Variants in PIK3R5 observed in about 807,000 individuals in gnomAD.
The protein encoded by PIK3R5 is phosphoinositide-3-kinase regulatory subunit 5.
A neutral mutation model predicts 94.9 loss-of-function variants in PIK3R5; 32 were observed. The ratio of observed to expected loss-of-function variants is 0.34; its 90% CI spans 0.25 to 0.45. The LOEUF (loss-of-function observed/expected upper bound fraction) is 0.45, where lower values mean the gene tolerates loss of function less well. Ranked by LOEUF, PIK3R5 falls within the 20% of genes least tolerant of loss-of-function variation. The probability of loss-of-function intolerance (pLI) is 1.00; values close to 1 mark genes in which losing one functional copy is unlikely to be tolerated. For missense variants in PIK3R5, 853 were observed against 1,144.6 expected, an observed-to-expected ratio of 0.75 and a Z score of 3.68; for synonymous variants, 443 against 479.4, an observed-to-expected ratio of 0.92 and a Z score of 0.99.
chr17:8,884,096 C>T lies in PIK3R5; in HGVS notation c.2205+611G>A, dbSNP rs560430028. 6.6e-6 allele frequency among the ~76,000 whole-genome samples: 1 copy of T among 152,216 alleles called. No individual in the cohort carries two copies. Among genetic ancestry groups the T allele is most frequent in the Non-Finnish European group, 1.5e-5 (1 of 68,030 alleles). On this transcript the variant is annotated intron_variant, in intron 15 of 18. Coordinates refer to ENST00000447110, the MANE Select transcript of PIK3R5 (RefSeq NM_001142633.3). The surrounding 1 kb of genome is among the most constrained non-coding windows in gnomAD (Gnocchi z 5.8). ...TAGACAAGCTAAAGTGAGGCCTAGG[C>T]TTCCCTGCTCAACCCCTCTTTTCCC...
Position 8,909,248 on chromosome 17 carries a change from G to T in PIK3R5, c.104-74C>A. 1.2e-6 allele frequency: 1 copy of T among 858,018 alleles called. No homozygotes were observed. 53.2% of individuals were successfully genotyped at this position (858,018 alleles called of 1,614,324 possible). On this transcript the variant is annotated intron_variant, in intron 2 of 18. Coordinates refer to ENST00000447110, the MANE Select transcript of PIK3R5 (RefSeq NM_001142633.3). This position sits in a 1 kb window ranked among gnomAD's most constrained non-coding sequence, Gnocchi z 4.3. ...ACACTCAGGCAGGGGCTGTAAAGAA[G>T]GGGCATTTATGCTGGAACATTTTTC...
chr17:8,910,238 G>A (rs181535), intron 2 of PIK3R5, among the ~76,000 whole-genome samples: 14,402 of 152,228 alleles, frequency 0.095, 835 homozygotes, highest in South Asian at 0.22. Context: ...GACCTCTCAC[G>A]TGTACAGGCT....
chr17:8,953,516 A>AAT (rs1293559366), intron 1 of PIK3R5, among the ~76,000 whole-genome samples: 2 of 152,172 alleles, frequency 1.3e-5, no homozygotes, highest in African/African-American at 4.8e-5. Flanking sequence ...CCCACAGGCT[A>AAT]ATGTGTTGAA....
rs771688629 is a variant in PIK3R5 at position 8,884,657 on chromosome 17, A to G, written c.2205+50T>C. The G allele has an allele frequency of 7.0e-7, 1 of 1,421,892 alleles. No homozygotes were observed. Among genetic ancestry groups the G allele is most frequent in the South Asian group, 1.2e-5 (1 of 86,502 alleles). 88.1% of individuals were successfully genotyped at this position (1,421,892 alleles called of 1,614,324 possible). Reference sequence around the variant, plus strand: ...TCTGGGTCCAAGCTCTGGCGGAGGAAGTATCAGCAGCAGATCCTGGAGGGG... The same window carrying G: ...TCTGGGTCCAAGCTCTGGCGGAGGAGGTATCAGCAGCAGATCCTGGAGGGG... On this transcript the variant is annotated intron_variant, in intron 15 of 18. Transcript: ENST00000447110. The surrounding 1 kb of genome is among the most constrained non-coding windows in gnomAD (Gnocchi z 5.8).
At chr17:8,897,726 C>G (rs61759639) in intron 5 of PIK3R5, among the ~76,000 whole-genome samples, 31,919 of 152,108 alleles carry the variant, frequency 0.21, 4,067 homozygotes, top group Non-Finnish European at 0.28. Context: ...AGGTGCAACC[C>G]CCCTCACCTC....
chr17:8,889,356 G>A lies in PIK3R5; in HGVS notation c.812-134C>T, dbSNP rs1263377286. Reference sequence around the variant, plus strand: ...ACAAGGATATGTAGCTGGATAGGCTGAGGCTGAGTTACAGCCAGGGTGCCA... The same window carrying A: ...ACAAGGATATGTAGCTGGATAGGCTAAGGCTGAGTTACAGCCAGGGTGCCA... On this transcript the variant is annotated intron_variant, in intron 8 of 18. Transcript: ENST00000447110. This position sits in a 1 kb window ranked among gnomAD's most constrained non-coding sequence, Gnocchi z 4.1. 1 of 660,454 alleles carries A rather than the reference G, an allele frequency of 1.5e-6. No individual in the cohort carries two copies. The highest frequency in any genetic ancestry group is 1.8e-5 in the African/African-American group (1 of 54,400). The allele number at this position is 660,454 out of a possible 1,614,324, so 40.9% of individuals were successfully genotyped here.
intron 3 of PIK3R5, among the ~76,000 whole-genome samples, chr17:8,907,168 C>G (rs2090413727): frequency 6.6e-6 from 1 of 151,852 alleles, no homozygotes; most frequent in Non-Finnish European, 1.5e-5. Context: ...GGATTACAAG[C>G]ACGTGCCACC....
rs2090851604 is a variant in PIK3R5, at chr17:8,925,211, G to T, written c.-13-13704C>A. 6.6e-6 allele frequency among the ~76,000 whole-genome samples: 1 copy of T among 151,988 alleles called. No homozygotes were observed. Among genetic ancestry groups the T allele is most frequent in the Non-Finnish European group, 1.5e-5 (1 of 68,008 alleles). On this transcript the variant is annotated intron_variant, in intron 1 of 18. Coordinates refer to ENST00000447110, the MANE Select transcript of PIK3R5 (RefSeq NM_001142633.3). The surrounding 1 kb of genome is among the most constrained non-coding windows in gnomAD (Gnocchi z 5.1). ...TAGACAGAAAGTAGATGGATAGATA[G>T]ATAGATAGTAGATGGATAGATAGAT...
At chr17:8,932,854 A>G (rs2091010905) in intron 1 of PIK3R5, among the ~76,000 whole-genome samples, 1 of 152,170 alleles carries the variant, frequency 6.6e-6, no homozygotes, top group Admixed American at 6.5e-5. Flanking sequence ...ATGTTCCCAA[A>G]TTTAATAAAA....
In PIK3R5 at chr17:8,890,973, AC is replaced by A. The variant is rs1273040084; in HGVS notation, c.483-62del. The A allele has an allele frequency of 2.0e-6, 3 of 1,521,834 alleles. No homozygotes were observed. The highest frequency in any genetic ancestry group is 2.7e-6 in the Non-Finnish European group (3 of 1,124,010). 94.3% of individuals were successfully genotyped at this position (1,521,834 alleles called of 1,614,324 possible). ...GTGCGCAGCATGCCACAGTGCAGCC[AC>A]CCCCCTCGTGCCTGCTGGTGCTCAG... On this transcript the variant is annotated intron_variant, in intron 6 of 18. Coordinates refer to ENST00000447110, the MANE Select transcript of PIK3R5 (RefSeq NM_001142633.3). The surrounding 1 kb of genome is among the most constrained non-coding windows in gnomAD (Gnocchi z 6.1).
At position 8,931,065 on chromosome 17, in the gene PIK3R5, A is replaced by G. The variant is rs193287846; in HGVS notation, c.-13-19558T>C. On this transcript the variant is annotated intron_variant, in intron 1 of 18. Coordinates refer to ENST00000447110, the MANE Select transcript of PIK3R5 (RefSeq NM_001142633.3). ...ACAAAGGATCTCTCTTTATTATTTC[A>G]TAGAATGACATATGAATCTACGATT... Among the ~76,000 whole-genome samples the G allele has an allele frequency of 8.2e-4, 125 of 152,360 alleles. 1 individual carries two copies. The highest frequency in any genetic ancestry group is 2.5e-3 in the African/African-American group (105 of 41,592).
chr17:8,890,272 A>G lies in PIK3R5; in HGVS notation c.658-146T>C. ...ATCTCCTACCCACAGCTGGCCAGGC[A>G]GCCAGGCCTCTCCCTGCCCTTCCAT... On this transcript the variant is annotated intron_variant, in intron 7 of 18. Coordinates refer to ENST00000447110, the MANE Select transcript of PIK3R5 (RefSeq NM_001142633.3). This position sits in a 1 kb window ranked among gnomAD's most constrained non-coding sequence, Gnocchi z 6.1. The G allele has an allele frequency of 1.3e-6, 1 of 774,052 alleles. No homozygotes were observed. The allele number at this position is 774,052 out of a possible 1,614,324, so 47.9% of individuals were successfully genotyped here.
chr17:8,921,714 A>C (rs1279276572), intron 1 of PIK3R5, among the ~76,000 whole-genome samples: 1 of 152,204 alleles, frequency 6.6e-6, no homozygotes, highest in Non-Finnish European at 1.5e-5. Context: ...GACACGAAAA[A>C]GCAAAAGTAA....
intron 1 of PIK3R5, among the ~76,000 whole-genome samples, chr17:8,961,406 G>A (rs1032276845): frequency 3.7e-4 from 56 of 152,148 alleles, no homozygotes; most frequent in African/African-American, 1.3e-3. Context: ...AGGCCAAGGC[G>A]GGCAGAACAC....
chr17:8,937,726 T>G (rs1342296559), intron 1 of PIK3R5, among the ~76,000 whole-genome samples: 1 of 152,228 alleles, frequency 6.6e-6, no homozygotes, highest in Non-Finnish European at 1.5e-5. Context: ...GGTTTTGGTA[T>G]TAGGTAATGC....
In PIK3R5 at chr17:8,890,996, T is replaced by C; in HGVS notation, c.483-84A>G. On this transcript the variant is annotated intron_variant, in intron 6 of 18. Coordinates refer to ENST00000447110, the MANE Select transcript of PIK3R5 (RefSeq NM_001142633.3). The surrounding 1 kb of genome is among the most constrained non-coding windows in gnomAD (Gnocchi z 6.1). ...CCACCCCCCTCGTGCCTGCTGGTGC[T>C]CAGCTCCACTGAGACCAGGGCCTCC... 5.2e-6 allele frequency: 7 copies of C among 1,341,498 alleles called. No homozygotes were observed. In the East Asian group the frequency reaches 7.2e-5, roughly 14 times the overall value. The allele number at this position is 1,341,498 out of a possible 1,614,324, so 83.1% of individuals were successfully genotyped here.
In PIK3R5 at chr17:8,880,585, G is replaced by A; in HGVS notation, c.*54C>T. ...CCACAGAGAGGGACTGTCCTGGAGGGGTGGCCGAGGAGGTTGCCCCAGGGC... is the reference window on the plus strand; with the variant it reads ...CCACAGAGAGGGACTGTCCTGGAGGAGTGGCCGAGGAGGTTGCCCCAGGGC... On this transcript the variant is annotated 3_prime_UTR_variant, in exon 19 of 19. Transcript: ENST00000447110. 2 of 1,508,382 alleles carry A rather than the reference G, an allele frequency of 1.3e-6. No homozygotes were observed. Among genetic ancestry groups the A allele is most frequent in the Non-Finnish European group, 1.8e-6 (2 of 1,123,288 alleles). 93.4% of individuals were successfully genotyped at this position (1,508,382 alleles called of 1,614,324 possible).
In PIK3R5 at chr17:8,887,187, T is replaced by C. The variant is rs1490650174; in HGVS notation, c.1814A>G (p.Asn605Ser). The change falls in exon 12 of 19, where the codon AAT (asparagine) becomes AGT (serine). Residue 605 changes from asparagine (N) to serine (S), a missense_variant. Around this residue, in one of 6 missense-constraint regions of PIK3R5, gnomAD observed 173 missense variants for 274.1 expected, o/e 0.63. Coordinates refer to ENST00000447110, the MANE Select transcript of PIK3R5 (RefSeq NM_001142633.3). ...LGTTPWEEST[N>S]DISHYLGMLD... ...CATGCCGAGGTAGTGGGAGATGTCATTGGTGCTCTCCTCCCATGGGGTGGT... is the reference window on the plus strand; with the variant it reads ...CATGCCGAGGTAGTGGGAGATGTCACTGGTGCTCTCCTCCCATGGGGTGGT... 1.9e-6 allele frequency: 3 copies of C among 1,613,686 alleles called. No homozygotes were observed. Among genetic ancestry groups the C allele is most frequent in the Non-Finnish European group, 8.5e-7 (1 of 1,179,944 alleles).
intron 1 of PIK3R5, among the ~76,000 whole-genome samples, chr17:8,964,390 C>CAAT (rs374437977): frequency 4.2e-4 from 64 of 151,666 alleles, no homozygotes; most frequent in East Asian, 7.7e-4. Flanking sequence ...GACCCTGTCT[C>CAAT]AATAATAATA....
Sources: allele counts gnomAD v4.1 joint callset (sites outside exome capture counted in the v4.1 genomes callset), GRCh38; gene constraint gnomAD v4.1.1; regional missense constraint gnomAD v4.1.1; non-coding constraint Gnocchi (gnomAD v3.1); transcripts MANE v1.5; gene names NCBI Gene and HGNC (gene_info 2026-07-23, HGNC 2026-07-21).